The following SHISA9 variants were observed in gnomAD, a reference collection of about 807,000 sequenced individuals.
SHISA9 encodes the protein protein shisa-9.
A neutral mutation model predicts 38.0 loss-of-function variants in SHISA9; 13 were observed. The ratio of observed to expected loss-of-function variants is 0.34; its 90% CI spans 0.22 to 0.54. The LOEUF (loss-of-function observed/expected upper bound fraction) is 0.54, where lower values mean the gene tolerates loss of function less well. SHISA9 is among the 20% of genes least tolerant of loss of function. The pLI is 0.91. For synonymous variants in SHISA9, 275 were observed against 242.0 expected, an observed-to-expected ratio of 1.14 and a Z score of -1.27; for missense variants, 538 against 575.8, an observed-to-expected ratio of 0.93 and a Z score of 0.67.
intron 2 of SHISA9, among the ~76,000 whole-genome samples, chr16:12,930,914 TG>T (rs2071453571): frequency 6.6e-6 from 1 of 152,198 alleles, no homozygotes; most frequent in Non-Finnish European, 1.5e-5. Flanking sequence ...AATCATCCAA[TG>T]GCAAGCCCCA....
chr16:13,546,442 A>T, the SHISA9 span, among the ~76,000 whole-genome samples: 1 of 152,242 alleles, frequency 6.6e-6, no homozygotes, highest in East Asian at 1.9e-4. Context: ...TGTCTGGGAA[A>T]GAATTTATCT....
At chr16:13,491,358 G>A in the SHISA9 span, among the ~76,000 whole-genome samples, 1 of 149,870 alleles carries the variant, frequency 6.7e-6, no homozygotes, top group African/African-American at 2.5e-5. Context: ...GCACCTCAAG[G>A]AATAATTATT....
the SHISA9 span, among the ~76,000 whole-genome samples, chr16:13,409,490 T>C: frequency 2.0e-5 from 3 of 152,232 alleles, no homozygotes; most frequent in Non-Finnish European, 4.4e-5. Flanking sequence ...CCTGTCCCTC[T>C]GCATGCTCCA....
intron 2 of SHISA9, among the ~76,000 whole-genome samples, chr16:13,163,941 T>C (rs1485319238): frequency 6.6e-6 from 1 of 152,066 alleles, no homozygotes; most frequent in African/African-American, 2.4e-5. Flanking sequence ...AGTATTAATT[T>C]TCCTTTTCCA....
At chr16:13,092,855 G>A (rs949759098) in intron 2 of SHISA9, among the ~76,000 whole-genome samples, 7 of 152,176 alleles carry the variant, frequency 4.6e-5, no homozygotes, top group South Asian at 4.1e-4. Context: ...CCAGTGAGAC[G>A]AACCAGGTAC....
At chr16:13,334,308 C>T in the SHISA9 span, among the ~76,000 whole-genome samples, 1 of 152,180 alleles carries the variant, frequency 6.6e-6, no homozygotes, top group Admixed American at 6.5e-5. Context: ...GTGCTGGACA[C>T]AAGCTGTCCT....
At chr16:13,142,990 T>TTTTATTTTA (rs1229285464) in intron 2 of SHISA9, among the ~76,000 whole-genome samples, 1 of 20,586 alleles carries the variant, frequency 4.9e-5, no homozygotes, top group Non-Finnish European at 1.2e-4. Flanking sequence ...AGCTGTTTCC[T>TTTTATTTTA]TTTATTTTAT....
chr16:13,062,364 C>T (rs979463643), intron 2 of SHISA9, among the ~76,000 whole-genome samples: 1 of 152,130 alleles, frequency 6.6e-6, no homozygotes, highest in Non-Finnish European at 1.5e-5. Flanking sequence ...TTGTTTTGTA[C>T]CTGCAGTTTT....
chr16:13,060,367 G>A lies in SHISA9; in HGVS notation c.692-143027G>A, dbSNP rs574176324. On this transcript the variant is annotated intron_variant, in intron 2 of 4. Transcript: ENST00000558583. ...ACTGGGATGAAATTCTCTACTCTGC[G>A]TCTTATCAACCAGAGGACATGAGGC... Among the ~76,000 whole-genome samples, 7 of 152,176 alleles carry A rather than the reference G, an allele frequency of 4.6e-5. No individual in the cohort carries two copies. In the East Asian group the frequency reaches 1.2e-3, roughly 25 times the overall value.
intron 2 of SHISA9, among the ~76,000 whole-genome samples, chr16:13,144,669 C>G (rs972675048): frequency 6.6e-6 from 1 of 152,120 alleles, no homozygotes; most frequent in Non-Finnish European, 1.5e-5. Context: ...CTTTGCTAAA[C>G]AATAGAAATA....
At chr16:13,514,319 A>G in the SHISA9 span, among the ~76,000 whole-genome samples, 2 of 152,304 alleles carry the variant, frequency 1.3e-5, no homozygotes, top group East Asian at 3.9e-4. Flanking sequence ...AAAAAAGGAA[A>G]AAGAAAAAAT....
chr16:12,902,196 C>A lies in SHISA9; in HGVS notation c.132C>A (p.Gly44=), dbSNP rs1341935671. 1.3e-6 allele frequency: 2 copies of A among 1,528,664 alleles called. No individual in the cohort carries two copies. Among genetic ancestry groups the A allele is most frequent in the Admixed American group, 2.0e-5 (1 of 50,312 alleles). The allele number at this position is 1,528,664 out of a possible 1,614,324, so 94.7% of individuals were successfully genotyped here. A position where few individuals can be genotyped will look rare whatever the true frequency, so the allele number is the denominator to read the frequency against. ...QLGGVLLLAG[G]NRSGAASGEA... ...GCGGCGTGTTGCTGCTGGCGGGGGG[C>A]AACCGCTCCGGGGCCGCCTCCGGAG... is the stretch of plus-strand genomic sequence containing the variant. Residue 44 remains glycine, a synonymous_variant, in exon 1 of 5, where the codon GGC becomes GGA. Coordinates refer to ENST00000558583, the MANE Select transcript of SHISA9 (RefSeq NM_001145204.3).
At chr16:13,324,290 G>A in the SHISA9 span, among the ~76,000 whole-genome samples, 10 of 152,182 alleles carry the variant, frequency 6.6e-5, no homozygotes, top group African/African-American at 1.9e-4. Context: ...TTACCCTTTC[G>A]TGACCTCTTA....
At chr16:13,548,064 C>T in the SHISA9 span, among the ~76,000 whole-genome samples, 23 of 152,200 alleles carry the variant, frequency 1.5e-4, no homozygotes, top group Admixed American at 1.2e-3. Flanking sequence ...TAAATCCATG[C>T]ACTTAAAGCC....
At chr16:13,219,702 G>A (rs994111079) in intron 4 of SHISA9, among the ~76,000 whole-genome samples, 6 of 152,136 alleles carry the variant, frequency 3.9e-5, no homozygotes. Flanking sequence ...ATTAGGAATA[G>A]GAGAGAGGCT....
the SHISA9 span, among the ~76,000 whole-genome samples, chr16:13,330,903 G>A: frequency 2.0e-5 from 3 of 152,144 alleles, no homozygotes; most frequent in Non-Finnish European, 2.9e-5. Context: ...CTGTACAGGT[G>A]TACAGTGTGT....
the SHISA9 span, among the ~76,000 whole-genome samples, chr16:13,527,828 A>T: frequency 1.3e-5 from 2 of 152,136 alleles, no homozygotes; most frequent in African/African-American, 4.8e-5. Flanking sequence ...ATATGACCAT[A>T]TGTAGGATAT....
chr16:13,523,418 G>C, the SHISA9 span, among the ~76,000 whole-genome samples: 4,512 of 152,222 alleles, frequency 0.03, 107 homozygotes, highest in Non-Finnish European at 0.048. Flanking sequence ...AGTGTCTTTG[G>C]CCATTTTTGC....
At chr16:13,417,767 A>G in the SHISA9 span, among the ~76,000 whole-genome samples, 2 of 152,176 alleles carry the variant, frequency 1.3e-5, no homozygotes, top group African/African-American at 2.4e-5. Context: ...GGAACAGCTC[A>G]CTGTAGCTTC....
Sources: gnomAD v4.1 joint callset for allele counts (sites outside exome capture counted in the v4.1 genomes callset) on GRCh38, gnomAD v4.1.1 for gene constraint, MANE v1.5 for transcripts, NCBI Gene and HGNC (gene_info 2026-07-23, HGNC 2026-07-21) for gene names.